CFAP92: variants seen among roughly 807,000 people sequenced by gnomAD.
CFAP92 encodes the protein uncharacterized protein CFAP92.
Under a neutral mutation model 106.3 loss-of-function variants are expected in CFAP92, and 86 were observed. That is an observed-to-expected ratio of 0.81 (90% CI 0.68 to 0.97). The LOEUF is 0.97. Ranked by LOEUF, CFAP92 falls within the 50% of genes least tolerant of loss-of-function variation. The pLI is 0.00. For missense variants in CFAP92, 1,204 were observed against 1,283.8 expected (o/e 0.94, Z 0.95); for synonymous variants, 477 against 506.4 (o/e 0.94, Z 0.78).
intron 7 of CFAP92, among the ~76,000 whole-genome samples, chr3:128,974,822 GA>G (rs1192018440): frequency 1.5e-5 from 2 of 137,226 alleles, no homozygotes; most frequent in Non-Finnish European, 3.1e-5. Flanking sequence ...CTCCCTCTCA[GA>G]AAAAAAAAGA....
At chr3:128,927,122 ACTCT>A (rs1296519579) in intron 12 of CFAP92, among the ~76,000 whole-genome samples, 1 of 151,248 alleles carries the variant, frequency 6.6e-6, no homozygotes, top group Non-Finnish European at 1.5e-5. Context: ...GATATTAGAG[ACTCT>A]CTCCATTCAC....
At chr3:128,993,398 C>A in intron 1 of CFAP92, 62 bp from the exon 2 acceptor site, 1 of 1,489,140 alleles carries the variant, frequency 6.7e-7, no homozygotes, top group Admixed American at 2.1e-5. Context: ...AGGAGGTAAG[C>A]CCGGCCTCCT....
the CFAP92 span, among the ~76,000 whole-genome samples, chr3:129,016,481 G>A: frequency 6.6e-6 from 1 of 151,622 alleles, no homozygotes; most frequent in Non-Finnish European, 1.5e-5. Flanking sequence ...TGGCAGGCAG[G>A]TGGAGCTCAT....
intron 2 of CFAP92, among the ~76,000 whole-genome samples, chr3:128,992,374 C>A (rs1010191779): frequency 2.1e-4 from 32 of 151,928 alleles, no homozygotes; most frequent in African/African-American, 7.7e-4. Flanking sequence ...CCATTCTGGC[C>A]AACATGGTGA....
upstream of CFAP92, among the ~76,000 whole-genome samples, chr3:128,998,944 C>T (rs1167122858): frequency 6.6e-6 from 1 of 152,092 alleles, no homozygotes; most frequent in Non-Finnish European, 1.5e-5. Context: ...TTCTTTCATG[C>T]CCAAATACAT....
At chr3:128,957,377 A>G (rs1051691739) in intron 9 of CFAP92, among the ~76,000 whole-genome samples, 25 of 152,220 alleles carry the variant, frequency 1.6e-4, no homozygotes, top group African/African-American at 6.0e-4. Context: ...AGGGAGGTAA[A>G]GTTTCTATAT....
At chr3:128,964,901 G>T (rs1179504329) in intron 9 of CFAP92, among the ~76,000 whole-genome samples, 1 of 151,970 alleles carries the variant, frequency 6.6e-6, no homozygotes, top group Admixed American at 6.6e-5. Flanking sequence ...AATTTTTGCC[G>T]CTCCAACACT....
intron 12 of CFAP92, among the ~76,000 whole-genome samples, chr3:128,927,409 C>A (rs1270101959): frequency 1.3e-5 from 2 of 152,080 alleles, no homozygotes; most frequent in Non-Finnish European, 2.9e-5. Context: ...TTGTAAGATA[C>A]AAGATCAATG....
intron 10 of CFAP92, among the ~76,000 whole-genome samples, chr3:128,938,161 G>T (rs192775454): frequency 2.8e-4 from 42 of 152,060 alleles, no homozygotes; most frequent in African/African-American, 9.4e-4. Flanking sequence ...GAGGTGGGGG[G>T]GTCAAGGCTG....
intron 15 of CFAP92, among the ~76,000 whole-genome samples, chr3:128,911,374 G>A (rs1457969385): frequency 2.0e-5 from 3 of 151,790 alleles, no homozygotes; most frequent in African/African-American, 7.3e-5. Context: ...GGCAATTTTA[G>A]ATTGAGCAAG....
the CFAP92 span, among the ~76,000 whole-genome samples, chr3:129,009,260 AG>A: frequency 6.6e-6 from 1 of 152,134 alleles, no homozygotes; most frequent in Admixed American, 6.6e-5. Flanking sequence ...CTAGGTGAAA[AG>A]GAAGTTAGTT....
intron 2 of CFAP92, 59 bp from the exon 3 acceptor site, chr3:128,988,977 C>CT: frequency 7.6e-7 from 1 of 1,315,962 alleles, no homozygotes; most frequent in East Asian, 2.4e-5. Context: ...GCAGACCCGT[C>CT]TCCCCAGTTC....
At chr3:128,960,549 G>A (rs1187168427) in intron 9 of CFAP92, among the ~76,000 whole-genome samples, 1 of 152,090 alleles carries the variant, frequency 6.6e-6, no homozygotes, top group East Asian at 1.9e-4. Flanking sequence ...CGTTTTATCC[G>A]TGGACCCAAA....
At chr3:129,021,397 A>G in the CFAP92 span, among the ~76,000 whole-genome samples, 1 of 152,184 alleles carries the variant, frequency 6.6e-6, no homozygotes, top group Admixed American at 6.5e-5. Context: ...AGGCACATCA[A>G]AGACAGTGAC....
At chr3:128,984,956 A>G (rs936031733) in intron 4 of CFAP92, among the ~76,000 whole-genome samples, 6 of 152,258 alleles carry the variant, frequency 3.9e-5, no homozygotes, top group African/African-American at 7.2e-5. Context: ...CAACATGTAC[A>G]CTAGATTCAC....
upstream of CFAP92, among the ~76,000 whole-genome samples, chr3:128,997,824 G>A (rs1314694008): frequency 6.6e-6 from 1 of 152,128 alleles, no homozygotes; most frequent in Non-Finnish European, 1.5e-5. Flanking sequence ...CGATATCTAG[G>A]AGTGGAAGAG....
At chr3:128,933,372 CAG>C (rs1200018953) in intron 11 of CFAP92, among the ~76,000 whole-genome samples, 2 of 152,180 alleles carry the variant, frequency 1.3e-5, no homozygotes, top group Non-Finnish European at 2.9e-5. Context: ...CACCGAGCCT[CAG>C]GGGGCTGGCT....
the CFAP92 span, among the ~76,000 whole-genome samples, chr3:129,018,170 TG>T: frequency 5.9e-5 from 9 of 152,272 alleles, no homozygotes; most frequent in East Asian, 1.7e-3. Context: ...TGGCTGGCCT[TG>T]GGAGTAAAGA....
chr3:128,977,247 T>C (rs191079604), intron 5 of CFAP92, among the ~76,000 whole-genome samples, 181 bp from the exon 6 acceptor site: 21 of 152,284 alleles, frequency 1.4e-4, no homozygotes, highest in Non-Finnish European at 2.2e-4. Flanking sequence ...ATTTGATTAT[T>C]TGGATAAATG....
Sources: allele counts gnomAD v4.1 joint callset (sites outside exome capture counted in the v4.1 genomes callset), GRCh38; gene constraint gnomAD v4.1.1; transcripts MANE v1.5; gene names NCBI Gene and HGNC (gene_info 2026-07-23, HGNC 2026-07-21).